Variants in LAPTM4B observed in about 807,000 individuals in gnomAD.
LAPTM4B encodes lysosomal protein transmembrane 4 beta, also known as lysosomal-associated transmembrane protein 4B.
LAPTM4B carries 26 observed loss-of-function variants against 28.5 expected under a neutral mutation model. The ratio of observed to expected loss-of-function variants is 0.91; its 90% CI spans 0.67 to 1.27. The LOEUF is 1.27. LAPTM4B is among the 50% of genes most tolerant of loss of function. The pLI is 0.00. For synonymous variants in LAPTM4B, 109 were observed against 106.4 expected (o/e 1.02, Z -0.15); for missense variants, 288 against 285.8 (o/e 1.01, Z -0.06).
rs566003463 is a variant in LAPTM4B, at chr8:97,817,534, G to A, written c.408+1354G>A. ...GTGATCTCGGCTCACTGCAACCTCC[G>A]CCTCCCTGGGTTCAAGCCATTCTCC... On this transcript the variant is annotated intron_variant, in intron 4 of 6. Coordinates refer to ENST00000521545, the MANE Select transcript of LAPTM4B (RefSeq NM_018407.6). Among the ~76,000 whole-genome samples, 203 of 140,110 alleles carry A rather than the reference G, an allele frequency of 1.4e-3. 1 individual carries two copies. The highest frequency in any genetic ancestry group is 2.4e-3 in the Non-Finnish European group (161 of 66,034). The allele number at this position is 140,110 out of a possible 152,430, so 91.9% of individuals were successfully genotyped here. A position where few individuals can be genotyped will look rare whatever the true frequency, so the allele number is the denominator to read the frequency against.
At chr8:97,778,221 C>G (rs559056617) in intron 1 of LAPTM4B, among the ~76,000 whole-genome samples, 2 of 152,182 alleles carry the variant, frequency 1.3e-5, no homozygotes, top group Admixed American at 1.3e-4. Flanking sequence ...TAGGTAAACC[C>G]TATTTCTGGG....
At chr8:97,779,660 C>T (rs1816279480) in intron 1 of LAPTM4B, among the ~76,000 whole-genome samples, 1 of 151,302 alleles carries the variant, frequency 6.6e-6, no homozygotes, top group African/African-American at 2.4e-5. Context: ...TGGCATGCGC[C>T]TGTAATCCCA....
In LAPTM4B at chr8:97,786,476, G is replaced by T. The variant is rs534468190; in HGVS notation, c.99+10368G>T. Among the ~76,000 whole-genome samples the T allele has an allele frequency of 1.4e-3, 211 of 151,732 alleles. 2 individuals are homozygous for T. The highest frequency in any genetic ancestry group is 2.5e-3 in the Admixed American group (38 of 15,234). ...CCCAGCACTTTGGGAGGCCGAGGCG[G>T]GCAAATCATGAGGTTCCGAGTTCGA... On this transcript the variant is annotated intron_variant, in intron 1 of 6. Transcript: ENST00000521545.
intron 1 of LAPTM4B, 29 bp from the exon 2 acceptor site, chr8:97,805,324 C>CCTT: frequency 7.3e-5 from 61 of 840,898 alleles, no homozygotes; most frequent in Non-Finnish European, 1.0e-4. Flanking sequence ...TACTTAAATT[C>CCTT]TTTTTTTTTT....
At chr8:97,823,366 TGTTG>T (rs1211940556) in intron 5 of LAPTM4B, among the ~76,000 whole-genome samples, 23 of 123,848 alleles carry the variant, frequency 1.9e-4, no homozygotes, top group South Asian at 1.6e-3. Flanking sequence ...GTTTTTTTTT[TGTTG>T]TTGTTGTTGT....
intron 4 of LAPTM4B, among the ~76,000 whole-genome samples, chr8:97,817,516 C>T (rs1242503885): frequency 3.5e-5 from 5 of 144,064 alleles, no homozygotes; most frequent in South Asian, 2.2e-4. Context: ...GTTGTGATCT[C>T]GGCTCACTGC....
chr8:97,805,495 G>A, intron 2 of LAPTM4B, 31 bp downstream of exon 2: 1 of 1,238,250 alleles, frequency 8.1e-7, no homozygotes, highest in Non-Finnish European at 1.2e-6. Flanking sequence ...TATTTTCAAG[G>A]GCAGGGAATC....
At chr8:97,831,616 T>A (rs1238234138) in intron 6 of LAPTM4B, among the ~76,000 whole-genome samples, 1 of 152,100 alleles carries the variant, frequency 6.6e-6, no homozygotes, top group Admixed American at 6.6e-5. Context: ...TAGAGTGGGC[T>A]TGTGAGGCAG....
chr8:97,779,336 C>CA (rs1816273302), intron 1 of LAPTM4B, among the ~76,000 whole-genome samples: 2 of 151,858 alleles, frequency 1.3e-5, no homozygotes, highest in Admixed American at 1.3e-4. Flanking sequence ...ACTAAAAGTA[C>CA]AAATTAGGTG....
At position 97,805,317 on chromosome 8, in the gene LAPTM4B, T is replaced by A. The variant is rs778073248; in HGVS notation, c.100-36T>A. 1.4e-5 allele frequency: 16 copies of A among 1,123,320 alleles called. No homozygotes were observed. In the African/African-American group the frequency reaches 3.1e-4, roughly 21 times the overall value. 69.6% of individuals were successfully genotyped at this position (1,123,320 alleles called of 1,614,324 possible). On this transcript the variant is annotated intron_variant, in intron 1 of 6. Coordinates refer to ENST00000521545, the MANE Select transcript of LAPTM4B (RefSeq NM_018407.6). ...TATAAGGATTGCATCCTGGGGTTAC[T>A]TAAATTCTTTTTTTTTTTTTTTTTT...
At chr8:97,813,292 C>G (rs112996700) in intron 2 of LAPTM4B, among the ~76,000 whole-genome samples, 2 of 152,196 alleles carry the variant, frequency 1.3e-5, no homozygotes, top group Non-Finnish European at 2.9e-5. Flanking sequence ...AGTCCAAAAG[C>G]GGAAGAATCT....
intron 6 of LAPTM4B, among the ~76,000 whole-genome samples, chr8:97,844,394 G>T (rs918717065): frequency 3.9e-5 from 6 of 152,100 alleles, no homozygotes; most frequent in African/African-American, 1.4e-4. Flanking sequence ...TCTGCATCCC[G>T]CCAATGCTGT....
chr8:97,839,032 T>G (rs1210085355), intron 6 of LAPTM4B, among the ~76,000 whole-genome samples: 1 of 152,160 alleles, frequency 6.6e-6, no homozygotes, highest in East Asian at 1.9e-4. Context: ...TTGGTTCCAA[T>G]ATCAAAGCAT....
chr8:97,783,937 T>A (rs554448962), intron 1 of LAPTM4B, among the ~76,000 whole-genome samples: 1 of 152,308 alleles, frequency 6.6e-6, no homozygotes, highest in African/African-American at 2.4e-5. Flanking sequence ...TCAGTTTGTT[T>A]ATTAGACTCA....
chr8:97,836,742 G>T (rs2512067), intron 6 of LAPTM4B, among the ~76,000 whole-genome samples: 120,625 of 151,846 alleles, frequency 0.79, 49,905 homozygotes, highest in Non-Finnish European at 0.94. Context: ...CAGGAAAATT[G>T]TTAACTCCAT....
At position 97,809,993 on chromosome 8, in the gene LAPTM4B, A is replaced by T. The variant is rs530175773; in HGVS notation, c.211+4529A>T. ...CAGGCTGGAGTGCAGTGTCGCACAC[A>T]ATCTGGGCTTACTGCAATCCCTACC... On this transcript the variant is annotated intron_variant, in intron 2 of 6. Coordinates refer to ENST00000521545, the MANE Select transcript of LAPTM4B (RefSeq NM_018407.6). Among the ~76,000 whole-genome samples the T allele has an allele frequency of 5.5e-4, 83 of 152,230 alleles. 1 individual carries two copies. Among genetic ancestry groups the T allele is most frequent in the African/African-American group, 1.9e-3 (79 of 41,546 alleles).
chr8:97,801,007 T>C (rs1438090647), intron 1 of LAPTM4B, among the ~76,000 whole-genome samples: 1 of 152,042 alleles, frequency 6.6e-6, no homozygotes, highest in Non-Finnish European at 1.5e-5. Flanking sequence ...AGACTCACAC[T>C]GTACGACTTC....
In LAPTM4B at chr8:97,816,156, C is replaced by T; in HGVS notation, c.384C>T (p.Ser128=). 6.2e-7 allele frequency: 1 copy of T among 1,613,352 alleles called. No homozygotes were observed. The highest frequency in any genetic ancestry group is 8.5e-7 in the Non-Finnish European group (1 of 1,179,782). The change falls in exon 4 of 7, where the codon TCC becomes TCT. Residue 128 remains serine (S), a synonymous_variant. Coordinates refer to ENST00000521545, the MANE Select transcript of LAPTM4B (RefSeq NM_018407.6). The part of the protein sequence containing the change: ...VAITVLIYPN[S]IQEYIRQLPP... ...TCACTGTGCTTATTTATCCAAACTC[C>T]ATTCAGGAATACATACGGCAACTGG...
In LAPTM4B at chr8:97,852,633, G is replaced by C. The variant is rs2129870571; in HGVS notation, c.*1159G>C. 6.8e-6 allele frequency: 1 copy of C among 147,904 alleles called. No homozygotes were observed. Among genetic ancestry groups the C allele is most frequent in the South Asian group, 2.1e-4 (1 of 4,840 alleles). The allele number at this position is 147,904 out of a possible 1,614,324, so 9.2% of individuals were successfully genotyped here. A position where few individuals can be genotyped will look rare whatever the true frequency, so the allele number is the denominator to read the frequency against. ...TTGTGATTTTGTGCTGATTGTGTCTGAGGACCTTTCCCTCCACATATGGTC... is the reference window on the plus strand; with the variant it reads ...TTGTGATTTTGTGCTGATTGTGTCTCAGGACCTTTCCCTCCACATATGGTC... On this transcript the variant is annotated 3_prime_UTR_variant, in exon 7 of 7. Transcript: ENST00000521545.
Sources: gnomAD v4.1 joint callset for allele counts (sites outside exome capture counted in the v4.1 genomes callset) on GRCh38, gnomAD v4.1.1 for gene constraint, MANE v1.5 for transcripts, NCBI Gene and HGNC (gene_info 2026-07-23, HGNC 2026-07-21) for gene names.